Variants in KBTBD8 observed in about 807,000 individuals in gnomAD.
KBTBD8 encodes kelch repeat and BTB domain containing 8.
Under a neutral mutation model 53.5 loss-of-function variants are expected in KBTBD8, and 31 were observed. That is an observed-to-expected ratio of 0.58 (90% CI 0.44 to 0.78). The LOEUF is 0.78. Ranked by LOEUF, KBTBD8 falls within the 30% of genes least tolerant of loss-of-function variation. The pLI is 0.00. For missense variants in KBTBD8, 642 were observed against 735.8 expected (o/e 0.87, Z 1.48); for synonymous variants, 250 against 247.3 (o/e 1.01, Z -0.10).
chr3:67,007,232 G>A (rs181123600), intron 3 of KBTBD8, among the ~76,000 whole-genome samples: 39 of 151,508 alleles, frequency 2.6e-4, no homozygotes, highest in Admixed American at 4.6e-4. Flanking sequence ...CTGGCTGAAC[G>A]TTACTAATAA....
In KBTBD8 at chr3:67,003,923, A is replaced by G. The variant is rs750195069; in HGVS notation, c.956A>G (p.Lys319Arg). The change falls in exon 3 of 4, where the codon AAA (lysine) becomes AGA (arginine). Residue 319 changes from lysine (K) to arginine (R), a missense_variant. Lys to Arg is a conservative substitution (Grantham distance 26). Coordinates refer to ENST00000417314, the MANE Select transcript of KBTBD8 (RefSeq NM_032505.3). ...IVTGRVFKLCKPPNDLREVGI... is the reference protein window; with the variant it reads ...IVTGRVFKLCRPPNDLREVGI... ...ACAGGAAGGGTGTTTAAACTATGCA[A>G]ACCACCAAATGACCTGAGAGAAGTT... 1.9e-6 allele frequency: 3 copies of G among 1,614,152 alleles called. No individual in the cohort carries two copies. Among genetic ancestry groups the G allele is most frequent in the Non-Finnish European group, 1.7e-6 (2 of 1,180,038 alleles).
chr3:66,999,809 AT>A (rs528262567), intron 2 of KBTBD8, among the ~76,000 whole-genome samples: 35 of 152,256 alleles, frequency 2.3e-4, no homozygotes, highest in Non-Finnish European at 2.6e-4. Context: ...GCAAGAATGA[AT>A]ATAGTTTCTT....
chr3:67,004,712 G>A (rs901895637), intron 3 of KBTBD8, among the ~76,000 whole-genome samples: 1 of 152,236 alleles, frequency 6.6e-6, no homozygotes, highest in African/African-American at 2.4e-5. Flanking sequence ...TGTAGCAACT[G>A]GTATTCTGTG....
chr3:66,999,993 T>C (rs1702002730), intron 2 of KBTBD8, among the ~76,000 whole-genome samples: 1 of 152,274 alleles, frequency 6.6e-6, no homozygotes, highest in African/African-American at 2.4e-5. Flanking sequence ...GTTTTCTGCA[T>C]GGGCTTAACT....
chr3:67,008,475 C>G lies in KBTBD8; in HGVS notation c.*90C>G. 1.1e-6 allele frequency: 1 copy of G among 924,242 alleles called. No individual in the cohort carries two copies. The highest frequency in any genetic ancestry group is 1.6e-6 in the Non-Finnish European group (1 of 623,248). 57.3% of individuals were successfully genotyped at this position (924,242 alleles called of 1,614,324 possible). ...AGAGTGCTGACAGTATTTCAGAAAGCTGAGAGAGTTTTATACATGGAAAAT... is the reference window on the plus strand; with the variant it reads ...AGAGTGCTGACAGTATTTCAGAAAGGTGAGAGAGTTTTATACATGGAAAAT... On this transcript the variant is annotated 3_prime_UTR_variant, in exon 4 of 4. Transcript: ENST00000417314.
rs1702036250 is a variant in KBTBD8, at chr3:67,003,544, A to G, written c.577A>G (p.Lys193Glu). ...TKEQEFLQLT[K>E]DQLISILDSD... is the part of the protein sequence containing the mutation. Reference sequence around the variant, plus strand: ...AGAACAAGAGTTTCTCCAGTTGACAAAAGACCAACTGATAAGTATACTAGA... The same window carrying G: ...AGAACAAGAGTTTCTCCAGTTGACAGAAGACCAACTGATAAGTATACTAGA... The change falls in exon 3 of 4, where the codon AAA becomes GAA. Residue 193 changes from lysine (K) to glutamate (E), a missense_variant. Coordinates refer to ENST00000417314, the MANE Select transcript of KBTBD8 (RefSeq NM_032505.3). 3.1e-6 allele frequency: 5 copies of G among 1,614,114 alleles called. No individual in the cohort carries two copies. The highest frequency in any genetic ancestry group is 4.5e-5 in the East Asian group (2 of 44,886).
In KBTBD8 at chr3:66,998,342, G is replaced by C; in HGVS notation, c.-14G>C. On this transcript the variant is annotated 5_prime_UTR_variant, in exon 1 of 4. Transcript: ENST00000417314. ...TTCCTTTTTAAATAGCTGGAGTCGGGGCCCCATCGAGAAATGGCCGCGTCG... is the reference window on the plus strand; with the variant it reads ...TTCCTTTTTAAATAGCTGGAGTCGGCGCCCCATCGAGAAATGGCCGCGTCG... 1 of 1,298,788 alleles carries C rather than the reference G, an allele frequency of 7.7e-7. No homozygotes were observed. Among genetic ancestry groups the C allele is most frequent in the African/African-American group, 1.5e-5 (1 of 64,896 alleles). The allele number at this position is 1,298,788 out of a possible 1,614,324, so 80.5% of individuals were successfully genotyped here.
chr3:67,003,281 TG>T lies in KBTBD8; in HGVS notation c.315del (p.Asn106ThrfsTer38). ...GVEAESMDLVLNYAYTSRVIL... is the reference protein window; with the variant it reads ...GVEAESMDLVXNYAYTSRVIL... ...GAAGCTGAATCGATGGATTTAGTGT[TG>T]AACTATGCCTACACTTCCAGAGTTA... On this transcript the variant is annotated frameshift_variant, in exon 3 of 4. Transcript: ENST00000417314. LOFTEE classifies it high-confidence loss of function. 6.2e-7 allele frequency: 1 copy of T among 1,614,118 alleles called. No homozygotes were observed. Among genetic ancestry groups the T allele is most frequent in the Non-Finnish European group, 8.5e-7 (1 of 1,179,954 alleles).
intron 2 of KBTBD8, among the ~76,000 whole-genome samples, chr3:67,000,067 AAAGTT>A (rs1702004097): frequency 6.6e-6 from 1 of 152,244 alleles, no homozygotes; most frequent in Non-Finnish European, 1.5e-5. Context: ...AAATAATAGT[AAAGTT>A]ATCAACCACA....
Position 67,004,413 on chromosome 3 carries a change from C to G in KBTBD8, c.1342+104C>G, listed in dbSNP as rs539003367. 5.9e-6 allele frequency: 6 copies of G among 1,014,216 alleles called. No individual in the cohort carries two copies. The African/African-American group carries it at 9.6e-5, about 16-fold the overall frequency. The allele number at this position is 1,014,216 out of a possible 1,614,324, so 62.8% of individuals were successfully genotyped here. ...TGTGTTCCCGTTAATTGAGGAATAC[C>G]TCCAGCTTCCTTATCAAACTATTGG... On this transcript the variant is annotated intron_variant, in intron 3 of 3. Transcript: ENST00000417314.
At chr3:66,998,817 G>A in intron 1 of KBTBD8, 164 bp from the exon 2 acceptor site, 1 of 636,822 alleles carries the variant, frequency 1.6e-6, no homozygotes, top group East Asian at 2.7e-5. Context: ...CTGTCTCCCA[G>A]ATCCTTAACT....
At position 67,003,777 on chromosome 3, in the gene KBTBD8, A is replaced by G. The variant is rs1702039241; in HGVS notation, c.810A>G (p.Pro270=). The G allele has an allele frequency of 6.2e-7, 1 of 1,614,202 alleles. No homozygotes were observed. Among genetic ancestry groups the G allele is most frequent in the Admixed American group, 1.7e-5 (1 of 60,024 alleles). The stretch of plus-strand genomic sequence containing the variant: ...CCAAAAGCTGTGTAGAAAAGGGACC[A>G]TCCAACACCAATGGCTGTACACAGA... ...AIAKSCVEKG[P]SNTNGCTQRL... The change falls in exon 3 of 4, where the codon CCA becomes CCG. Residue 270 remains proline (P), a synonymous_variant. Coordinates refer to ENST00000417314, the MANE Select transcript of KBTBD8 (RefSeq NM_032505.3).
chr3:66,999,245 C>T, intron 2 of KBTBD8, 54 bp downstream of exon 2: 4 of 1,343,226 alleles, frequency 3.0e-6, no homozygotes, highest in South Asian at 1.2e-5. Flanking sequence ...CCCTTTCCCC[C>T]TCAGTATTGT....
At chr3:67,006,390 AG>A (rs1170117851) in intron 3 of KBTBD8, among the ~76,000 whole-genome samples, 1 of 152,234 alleles carries the variant, frequency 6.6e-6, no homozygotes, top group East Asian at 1.9e-4. Flanking sequence ...TGAAGCCCTA[AG>A]GGTTTCTTAA....
At position 67,003,636 on chromosome 3, in the gene KBTBD8, T is replaced by C. The variant is rs146642958; in HGVS notation, c.669T>C (p.His223=). The part of the protein sequence containing the change: ...VYESIIRWFE[H]EQNEREVHLP... Reference sequence around the variant, plus strand: ...AAAGCATTATAAGGTGGTTTGAGCATGAACAGAATGAAAGAGAAGTGCACC... The same window carrying C: ...AAAGCATTATAAGGTGGTTTGAGCACGAACAGAATGAAAGAGAAGTGCACC... The change falls in exon 3 of 4, where the codon CAT becomes CAC. Residue 223 remains histidine (H), a synonymous_variant. Coordinates refer to ENST00000417314, the MANE Select transcript of KBTBD8 (RefSeq NM_032505.3). 2 of 1,614,082 alleles carry C rather than the reference T, an allele frequency of 1.2e-6. No homozygotes were observed. Among genetic ancestry groups the C allele is most frequent in the East Asian group, 2.2e-5 (1 of 44,884 alleles).
chr3:67,008,295 T>TGAG lies in KBTBD8; in HGVS notation c.1717_1719dup (p.Glu573dup). 1.2e-6 allele frequency: 2 copies of TGAG among 1,613,842 alleles called. No individual in the cohort carries two copies. Among genetic ancestry groups the TGAG allele is most frequent in the Non-Finnish European group, 1.7e-6 (2 of 1,180,018 alleles). On this transcript the variant is annotated inframe_insertion, in exon 4 of 4. Transcript: ENST00000417314. ...TTGCTGACCAGTGGATGAAAGTGTA[T>TGAG]GAGACCCCAGATCGGCTCTGGGACC... is the stretch of plus-strand genomic sequence containing the variant.
chr3:67,008,163 A>G lies in KBTBD8; in HGVS notation c.1584A>G (p.Val528=), dbSNP rs1702086368. The change falls in exon 4 of 4, where the codon GTA becomes GTG. Residue 528 remains valine, a synonymous_variant. Coordinates refer to ENST00000417314, the MANE Select transcript of KBTBD8 (RefSeq NM_032505.3). ...CCATAAATCCATACCTTAAACTGGT[A>G]CTTTTCCAGAACAAACTCCATTTAT... The part of the protein sequence containing the change: ...DQSINPYLKL[V]LFQNKLHLFV... The G allele has an allele frequency of 1.2e-6, 2 of 1,614,038 alleles. No individual in the cohort carries two copies. Among genetic ancestry groups the G allele is most frequent in the African/African-American group, 1.3e-5 (1 of 74,944 alleles).
chr3:67,010,418 T>A lies in KBTBD8; in HGVS notation c.*2033T>A, dbSNP rs1702107266. The A allele has an allele frequency of 6.6e-6, 1 of 152,632 alleles. No homozygotes were observed. 9.5% of individuals were successfully genotyped at this position (152,632 alleles called of 1,614,324 possible). A position where few individuals can be genotyped will look rare whatever the true frequency, so the allele number is the denominator to read the frequency against. Reference sequence around the variant, plus strand: ...CATTGAGTTAGCAATTTACATGGGCTGTATGTTATATAAGAGAATGACATA... The same window carrying A: ...CATTGAGTTAGCAATTTACATGGGCAGTATGTTATATAAGAGAATGACATA... On this transcript the variant is annotated 3_prime_UTR_variant, in exon 4 of 4. Coordinates refer to ENST00000417314, the MANE Select transcript of KBTBD8 (RefSeq NM_032505.3).
At position 66,998,961 on chromosome 3, in the gene KBTBD8, T is replaced by G; in HGVS notation, c.17-20T>G. On this transcript the variant is annotated intron_variant, in intron 1 of 3. Coordinates refer to ENST00000417314, the MANE Select transcript of KBTBD8 (RefSeq NM_032505.3). Reference sequence around the variant, plus strand: ...ACTGGCTCGGCACTTCTTGTAGTTGTACGATTTTTCTCCTCCTAGATTTAA... The same window carrying G: ...ACTGGCTCGGCACTTCTTGTAGTTGGACGATTTTTCTCCTCCTAGATTTAA... 6.4e-7 allele frequency: 1 copy of G among 1,557,902 alleles called. No homozygotes were observed.
Sources: allele counts gnomAD v4.1 joint callset (sites outside exome capture counted in the v4.1 genomes callset), GRCh38; gene constraint gnomAD v4.1.1; transcripts MANE v1.5; gene names NCBI Gene and HGNC (gene_info 2026-07-23, HGNC 2026-07-21).